The following MAP1B variants were observed in gnomAD, a reference collection of about 807,000 sequenced individuals.
MAP1B encodes microtubule-associated protein 1B.
MAP1B carries 12 observed loss-of-function variants against 176.1 expected under a neutral mutation model. That is an observed-to-expected ratio of 0.07 (90% CI 0.04 to 0.11). The LOEUF is 0.11. Among genes scored for constraint, MAP1B ranks in the 10% least tolerant of loss-of-function variants. The probability of loss-of-function intolerance (pLI) is 1.00; values close to 1 mark genes in which losing one functional copy is unlikely to be tolerated. For missense variants in MAP1B, 2,523 were observed against 2,990.5 expected, an observed-to-expected ratio of 0.84 and a Z score of 3.65; for synonymous variants, 1,044 against 1,135.0, an observed-to-expected ratio of 0.92 and a Z score of 1.61.
chr5:72,171,774 C>G (rs922902438), intron 2 of MAP1B, among the ~76,000 whole-genome samples: 5 of 152,124 alleles, frequency 3.3e-5, no homozygotes, highest in African/African-American at 1.2e-4. Flanking sequence ...GAGAATCACC[C>G]TTCAGGTCTG....
At chr5:72,147,392 T>G (rs1554052808) in intron 2 of MAP1B, among the ~76,000 whole-genome samples, 1 of 152,102 alleles carries the variant, frequency 6.6e-6, no homozygotes, top group Non-Finnish European at 1.5e-5. Flanking sequence ...AGGTTACCTG[T>G]GCCTCATCAC....
In MAP1B at chr5:72,199,603, G is replaced by A; in HGVS notation, c.6248G>A (p.Cys2083Tyr). 6.2e-7 allele frequency: 1 copy of A among 1,614,156 alleles called. No individual in the cohort carries two copies. The highest frequency in any genetic ancestry group is 1.3e-5 in the African/African-American group (1 of 75,014). The change falls in exon 5 of 7, where the codon TGC becomes TAC. Residue 2083 changes from cysteine (C) to tyrosine (Y), a missense_variant. Around this residue, in one of 4 missense-constraint regions of MAP1B, gnomAD observed 1,925 missense variants for 2,126.0 expected, o/e 0.91. Coordinates refer to ENST00000296755, the MANE Select transcript of MAP1B (RefSeq NM_005909.5). This position sits in a 1 kb window ranked among gnomAD's most constrained non-coding sequence, Gnocchi z 4.2. ...PSEARQDVDL[C>Y]LVSSCEYKHP... is the part of the protein sequence containing the mutation. ...GAAGCCCGTCAGGATGTCGATTTAT[G>A]CCTCGTGTCCTCTTGTGAATACAAG...
chr5:72,177,223 A>C (rs1191249398), intron 2 of MAP1B, among the ~76,000 whole-genome samples: 1 of 152,216 alleles, frequency 6.6e-6, no homozygotes, highest in African/African-American at 2.4e-5. Context: ...GGTTGCCTCG[A>C]TCCTTCTCCT....
chr5:72,109,946 T>C (rs1745292446), intron 1 of MAP1B, among the ~76,000 whole-genome samples: 1 of 152,252 alleles, frequency 6.6e-6, no homozygotes, highest in South Asian at 2.1e-4. Flanking sequence ...TTATACAAGC[T>C]GCATCTATTT....
At chr5:72,150,828 G>T (rs1746127515) in intron 2 of MAP1B, among the ~76,000 whole-genome samples, 1 of 152,170 alleles carries the variant, frequency 6.6e-6, no homozygotes, top group Non-Finnish European at 1.5e-5. Flanking sequence ...CAAAGGACAT[G>T]ATCTCACTCT....
At chr5:72,115,424 T>C (rs961690552) in intron 1 of MAP1B, among the ~76,000 whole-genome samples, 10 of 152,176 alleles carry the variant, frequency 6.6e-5, no homozygotes, top group Non-Finnish European at 1.5e-5. Context: ...TCCTAACAAC[T>C]GTTTTCTTTG....
At chr5:72,113,920 A>G (rs923032048) in intron 1 of MAP1B, among the ~76,000 whole-genome samples, 2 of 152,352 alleles carry the variant, frequency 1.3e-5, no homozygotes, top group South Asian at 4.1e-4. Flanking sequence ...CACTAAAAAG[A>G]TCTGCGAAAT....
At chr5:72,142,502 C>T (rs1013179481) in intron 2 of MAP1B, among the ~76,000 whole-genome samples, 6 of 152,128 alleles carry the variant, frequency 3.9e-5, no homozygotes, top group African/African-American at 7.2e-5. Flanking sequence ...GCCAGGAGAC[C>T]GGAGCTCGCT....
At chr5:72,170,174 C>T (rs1312312276) in intron 2 of MAP1B, among the ~76,000 whole-genome samples, 1 of 152,134 alleles carries the variant, frequency 6.6e-6, no homozygotes, top group African/African-American at 2.4e-5. Flanking sequence ...AGTAGTATGG[C>T]TCTTTAAGTT....
At chr5:72,172,476 A>G (rs1484457209) in intron 2 of MAP1B, among the ~76,000 whole-genome samples, 2 of 151,800 alleles carry the variant, frequency 1.3e-5, no homozygotes, top group Admixed American at 6.6e-5. Flanking sequence ...GACTAATTAG[A>G]TTTTTGTTTT....
intron 2 of MAP1B, among the ~76,000 whole-genome samples, chr5:72,130,700 G>C (rs1210243688): frequency 6.6e-6 from 1 of 152,136 alleles, no homozygotes; most frequent in Non-Finnish European, 1.5e-5. Context: ...GAATGGAACC[G>C]GGGGCAGAAA....
At chr5:72,161,906 G>T (rs534633197) in intron 2 of MAP1B, among the ~76,000 whole-genome samples, 1 of 141,598 alleles carries the variant, frequency 7.1e-6, no homozygotes, top group African/African-American at 2.7e-5. Flanking sequence ...GCAGTGAGCC[G>T]AGATCGCGCC....
chr5:72,112,568 T>TTG (rs1357262148), intron 1 of MAP1B, among the ~76,000 whole-genome samples: 1 of 152,164 alleles, frequency 6.6e-6, no homozygotes, highest in African/African-American at 2.4e-5. Flanking sequence ...TCAGCCTCCC[T>TTG]TGTGTGCACT....
chr5:72,200,418 C>A, intron 5 of MAP1B, 51 bp downstream of exon 5: 1 of 1,568,180 alleles, frequency 6.4e-7, no homozygotes, highest in African/African-American at 1.4e-5. Flanking sequence ...ATTCTACTTG[C>A]GTTTACAGCC....
At chr5:72,127,260 G>C (rs1265434488) in intron 2 of MAP1B, among the ~76,000 whole-genome samples, 3 of 152,190 alleles carry the variant, frequency 2.0e-5, no homozygotes. Flanking sequence ...TAGCAAGTTA[G>C]TACATGCAGA....
chr5:72,203,690 G>C lies in MAP1B; in HGVS notation c.7140G>C (p.Val2380=). The C allele has an allele frequency of 1.2e-6, 2 of 1,614,100 alleles. No individual in the cohort carries two copies. Among genetic ancestry groups the C allele is most frequent in the Middle Eastern group, 1.7e-4 (1 of 6,056 alleles). ...KNVDVEFFKR[V]RSSYYVVSGN... ...TTGATGTGGAATTTTTCAAGAGAGTGCGGTCTTCCTACTACGTGGTGAGTG... is the reference window on the plus strand; with the variant it reads ...TTGATGTGGAATTTTTCAAGAGAGTCCGGTCTTCCTACTACGTGGTGAGTG... Residue 2380 remains valine, a synonymous_variant, in exon 6 of 7, where the codon GTG becomes GTC. Coordinates refer to ENST00000296755, the MANE Select transcript of MAP1B (RefSeq NM_005909.5).
intron 2 of MAP1B, among the ~76,000 whole-genome samples, chr5:72,133,261 G>GT (rs976173885): frequency 3.9e-5 from 6 of 152,222 alleles, no homozygotes; most frequent in African/African-American, 1.4e-4. Flanking sequence ...ACTTACAGGT[G>GT]TTTTTCCTGA....
Position 72,197,522 on chromosome 5 carries a change from T to A in MAP1B, c.4167T>A (p.Ser1389=), listed in dbSNP as rs776110550. The change falls in exon 5 of 7, where the codon TCT becomes TCA. Residue 1389 remains serine, a synonymous_variant. Transcript: ENST00000296755. ...ATGAGCCCGTGCCTGACTCAGAGTC[T>A]CCTATTGAAAAAGTTTTGTCTCCTT... is the stretch of plus-strand genomic sequence containing the variant. ...PMDEPVPDSE[S]PIEKVLSPLR... is the part of the protein sequence containing the mutation. 93 of 1,614,074 alleles carry A rather than the reference T, an allele frequency of 5.8e-5. No homozygotes were observed. The highest frequency in any genetic ancestry group is 6.9e-5 in the Non-Finnish European group (81 of 1,180,036).
chr5:72,163,820 G>A (rs1746369570), intron 2 of MAP1B, among the ~76,000 whole-genome samples: 1 of 151,534 alleles, frequency 6.6e-6, no homozygotes, highest in Admixed American at 6.6e-5. Context: ...TAAAACAGAG[G>A]TTTGGAATAG....
Sources: allele counts gnomAD v4.1 joint callset (sites outside exome capture counted in the v4.1 genomes callset), GRCh38; gene constraint gnomAD v4.1.1; regional missense constraint gnomAD v4.1.1; non-coding constraint Gnocchi (gnomAD v3.1); transcripts MANE v1.5; gene names NCBI Gene and HGNC (gene_info 2026-07-23, HGNC 2026-07-21).